Variants in C3orf52 observed in about 807,000 individuals in gnomAD.
C3orf52 encodes TPA-induced transmembrane protein.
In C3orf52, 22 loss-of-function variants were observed where a neutral mutation model predicts 24.8. The ratio of observed to expected loss-of-function variants is 0.89; its 90% CI spans 0.63 to 1.27. The LOEUF (loss-of-function observed/expected upper bound fraction) is 1.27. Ranked by LOEUF, C3orf52 falls within the 50% of genes most tolerant of loss-of-function variation. C3orf52 has a pLI of 0.00. For synonymous variants in C3orf52, 93 were observed against 100.2 expected (o/e 0.93, Z 0.43); for missense variants, 265 against 260.7 (o/e 1.02, Z -0.11).
chr3:112,090,489 A>G (rs1011812241), intron 1 of C3orf52, among the ~76,000 whole-genome samples: 24 of 151,980 alleles, frequency 1.6e-4, no homozygotes, highest in Admixed American at 1.1e-3. Context: ...TTGTTGTGAC[A>G]GACCATTTTA....
intron 3 of C3orf52, among the ~76,000 whole-genome samples, 163 bp downstream of exon 3, chr3:112,103,128 C>A (rs961374376): frequency 6.6e-5 from 10 of 152,090 alleles, no homozygotes; most frequent in African/African-American, 1.4e-4. Context: ...TGACCAAATA[C>A]CACATGTTCT....
At chr3:112,120,148 G>T (rs1045900700), downstream of C3orf52, among the ~76,000 whole-genome samples, 3 of 152,252 alleles carry the variant, frequency 2.0e-5, no homozygotes, top group African/African-American at 7.2e-5. Flanking sequence ...TAGGAAAGTA[G>T]ACGGAATTTA....
rs557449783 is a variant in C3orf52, at chr3:112,117,382, G to C, written c.*736G>C. 4 of 172,308 alleles carry C rather than the reference G, an allele frequency of 2.3e-5. No homozygotes were observed. The highest frequency in any genetic ancestry group is 4.9e-5 in the Non-Finnish European group (4 of 81,984). 10.7% of individuals were successfully genotyped at this position (172,308 alleles called of 1,614,324 possible). On this transcript the variant is annotated 3_prime_UTR_variant, in exon 6 of 6. Coordinates refer to ENST00000264848, the MANE Select transcript of C3orf52 (RefSeq NM_024616.3). ...TGTATATAGCTAGTTACAGACGGGA[G>C]CTATGTGTTTCTTCATTATTTTGCA...
Position 112,093,477 on chromosome 3 carries a change from T to A in C3orf52, c.256T>A (p.Cys86Ser). ...GVITVIIIGL[C>S]LAAVTYVDED... The stretch of plus-strand genomic sequence containing the variant: ...CATTACAGTGATCATCATAGGCTTA[T>A]GTCTTGCTGCAGGTAAGAGGATTTA... The change falls in exon 2 of 6, where the codon TGT becomes AGT. Residue 86 changes from cysteine (C) to serine (S), a missense_variant. Coordinates refer to ENST00000264848, the MANE Select transcript of C3orf52 (RefSeq NM_024616.3). 1.2e-6 allele frequency: 2 copies of A among 1,613,270 alleles called. No homozygotes were observed. Among genetic ancestry groups the A allele is most frequent in the Non-Finnish European group, 1.7e-6 (2 of 1,179,576 alleles).
rs182632671 is a variant in C3orf52, at chr3:112,127,725, T to C, written c.*47-508T>C. Among the ~76,000 whole-genome samples, 361 of 152,358 alleles carry C rather than the reference T, an allele frequency of 2.4e-3. 2 individuals carry two copies. The highest frequency in any genetic ancestry group is 8.3e-3 in the African/African-American group (347 of 41,580). ...GGATAGAAATGTGTGCTTCGGAACA[T>C]GCAGACTCAGATTTGCAGTGTGAAA... On this transcript the variant is annotated intron_variant, in intron 4 of 4. Coordinates refer to the C3orf52 transcript ENST00000480282.
In C3orf52 at chr3:112,086,633, A is replaced by T. The variant is rs527943414; in HGVS notation, c.138+88A>T. The T allele has an allele frequency of 6.3e-5, 92 of 1,471,476 alleles. No homozygotes were observed. In the African/African-American group the frequency reaches 1.2e-3, roughly 19 times the overall value. 91.2% of individuals were successfully genotyped at this position (1,471,476 alleles called of 1,614,324 possible). A position where few individuals can be genotyped will look rare whatever the true frequency, so the allele number is the denominator to read the frequency against. On this transcript the variant is annotated intron_variant, in intron 1 of 5. Transcript: ENST00000264848. ...TGGCACCCGCGAGTTTCGGGTTTCC[A>T]GTCAGGCGGGGCGTCGACGGCGCCG...
chr3:112,104,228 A>T (rs2074004153), intron 3 of C3orf52, among the ~76,000 whole-genome samples: 1 of 152,058 alleles, frequency 6.6e-6, no homozygotes, highest in African/African-American at 2.4e-5. Context: ...AGGAGAATGA[A>T]CCCTCTGTGG....
intron 4 of C3orf52, 40 bp from the exon 5 acceptor site, chr3:112,112,924 T>C: frequency 6.6e-7 from 1 of 1,513,644 alleles, no homozygotes. Flanking sequence ...AGTTGCAGTA[T>C]GATGCTGTTT....
intron 4 of C3orf52, chr3:112,127,136 T>TA: frequency 4.3e-6 from 3 of 691,038 alleles, no homozygotes; most frequent in Non-Finnish European, 7.4e-6. Flanking sequence ...TAAAGTTATA[T>TA]ACCTTTTATA....
At chr3:112,110,578 C>A (rs1393097510) in intron 4 of C3orf52, among the ~76,000 whole-genome samples, 2 of 152,150 alleles carry the variant, frequency 1.3e-5, no homozygotes, top group African/African-American at 4.8e-5. Flanking sequence ...TAAATTTCCT[C>A]CTCATCTTTA....
chr3:112,119,633 C>G, downstream of C3orf52: 1 of 628,472 alleles, frequency 1.6e-6, no homozygotes, highest in Non-Finnish European at 2.9e-6. Context: ...AGAGTCTGAT[C>G]AATGCTAAGA....
chr3:112,092,045 A>AGGCCAGGT (rs2073882864), intron 1 of C3orf52, among the ~76,000 whole-genome samples: 2 of 149,894 alleles, frequency 1.3e-5, no homozygotes, highest in Non-Finnish European at 3.0e-5. Flanking sequence ...GAGAGAAAGC[A>AGGCCAGGT]GGCCAGGTGG....
At chr3:112,106,591 G>A (rs1056775566) in intron 3 of C3orf52, among the ~76,000 whole-genome samples, 3 of 152,170 alleles carry the variant, frequency 2.0e-5, no homozygotes, top group Non-Finnish European at 2.9e-5. Flanking sequence ...TGTACCCGGC[G>A]CCCCTGTCAC....
In C3orf52 at chr3:112,125,250, T is replaced by C. The variant is rs754896449; in HGVS notation, c.*47-2983T>C. 3.8e-6 allele frequency: 6 copies of C among 1,578,308 alleles called. No homozygotes were observed. In the South Asian group the frequency reaches 5.5e-5, roughly 15 times the overall value. ...CCTGGATGGGAGTAGATGACATTCT[T>C]TCATCTGGAGAAAGAAAATACACTC... On this transcript the variant is annotated intron_variant, in intron 4 of 4. Coordinates refer to the C3orf52 transcript ENST00000480282.
Position 112,105,373 on chromosome 3 carries a change from G to A in C3orf52, c.396+2408G>A, listed in dbSNP as rs1369623806. ...CAAATATGCTCAGGAACAAAAATTA[G>A]CACCTAAAGGTATTGCTGTCTTATT... On this transcript the variant is annotated intron_variant, in intron 3 of 5. Transcript: ENST00000264848. Among the ~76,000 whole-genome samples the A allele has an allele frequency of 1.3e-5, 2 of 152,240 alleles. 1 individual carries two copies. The highest frequency in any genetic ancestry group is 2.9e-5 in the Non-Finnish European group (2 of 68,022).
At chr3:112,107,552 G>GTA (rs1360997270) in intron 3 of C3orf52, among the ~76,000 whole-genome samples, 3 of 152,190 alleles carry the variant, frequency 2.0e-5, no homozygotes, top group Non-Finnish European at 4.4e-5. Context: ...TTCCTTCACT[G>GTA]TATATATATC....
intron 3 of C3orf52, among the ~76,000 whole-genome samples, chr3:112,104,237 G>A (rs900187805): frequency 2.0e-5 from 3 of 152,140 alleles, no homozygotes; most frequent in Non-Finnish European, 4.4e-5. Context: ...AACCCTCTGT[G>A]GAAGATGGAA....
intron 1 of C3orf52, among the ~76,000 whole-genome samples, chr3:112,089,400 T>G (rs927878728): frequency 1.3e-5 from 2 of 151,948 alleles, no homozygotes; most frequent in African/African-American, 2.4e-5. Context: ...TGGTGGCGCA[T>G]GCCTGTAATC....
downstream of C3orf52, chr3:112,130,381 G>T: frequency 7.6e-7 from 1 of 1,322,438 alleles, no homozygotes; most frequent in Non-Finnish European, 1.1e-6. Context: ...TGAAGTCCAG[G>T]GCTTGACATA....
Sources: gnomAD v4.1 joint callset for allele counts (sites outside exome capture counted in the v4.1 genomes callset) on GRCh38, gnomAD v4.1.1 for gene constraint, MANE v1.5 for transcripts, NCBI Gene and HGNC (gene_info 2026-07-23, HGNC 2026-07-21) for gene names.